Variants in MAP1A observed in about 807,000 individuals in gnomAD.
MAP1A encodes microtubule associated protein 1A.
Under a neutral mutation model 185.9 loss-of-function variants are expected in MAP1A, and 42 were observed. That is an observed-to-expected ratio of 0.23 (90% CI 0.18 to 0.29). The LOEUF is 0.29. MAP1A is among the 10% of genes least tolerant of loss of function. The pLI, the probability that MAP1A is intolerant of heterozygous loss-of-function variation, is 1.00. For missense variants in MAP1A, 2,995 were observed against 3,450.4 expected (o/e 0.87, Z 3.31); for synonymous variants, 1,229 against 1,335.9 (o/e 0.92, Z 1.74).
chr15:43,526,541 G>A lies in MAP1A; in HGVS notation c.5068G>A (p.Ala1690Thr), dbSNP rs1060946. The A allele has an allele frequency of 1.2e-6, 2 of 1,614,176 alleles. No individual in the cohort carries two copies. The highest frequency in any genetic ancestry group is 1.7e-6 in the Non-Finnish European group (2 of 1,180,026). ...NRYWRGREDV[A>T]LEQDTYWREL... ...GTATTGGAGGGGCAGAGAGGATGTG[G>A]CCTTGGAACAGGACACATACTGGAG... The change falls in exon 4 of 6, where the codon GCC becomes ACC. Residue 1690 changes from alanine to threonine, a missense_variant. Around this residue, in one of 3 missense-constraint regions of MAP1A, gnomAD observed 2,728 missense variants for 2,986.0 expected, o/e 0.91. Transcript: ENST00000300231. The surrounding 1 kb of genome is among the most constrained non-coding windows in gnomAD (Gnocchi z 4.7).
At position 43,529,036 on chromosome 15, in the gene MAP1A, G is replaced by C. The variant is rs767547021; in HGVS notation, c.7563G>C (p.Glu2521Asp). 6.2e-7 allele frequency: 1 copy of C among 1,613,884 alleles called. No homozygotes were observed. Among genetic ancestry groups the C allele is most frequent in the Non-Finnish European group, 8.5e-7 (1 of 1,180,026 alleles). ...SDSDVPPETE[E>D]CPSITAEAAL... ...CTGATGTCCCGCCAGAAACTGAGGAGTGTCCGTCCATCACAGCTGAGGCAG... is the reference window on the plus strand; with the variant it reads ...CTGATGTCCCGCCAGAAACTGAGGACTGTCCGTCCATCACAGCTGAGGCAG... Residue 2521 changes from glutamate to aspartate, a missense_variant, in exon 4 of 6, where the codon GAG becomes GAC. This residue lies in a region of MAP1A where 2,728 missense variants were observed against 2,986.0 expected (regional missense o/e 0.91). Transcript: ENST00000300231. The surrounding 1 kb of genome is among the most constrained non-coding windows in gnomAD (Gnocchi z 4.3).
chr15:43,527,263 C>G lies in MAP1A; in HGVS notation c.5790C>G (p.His1930Gln). The change falls in exon 4 of 6, where the codon CAC (histidine) becomes CAG (glutamine). Residue 1930 changes from histidine (H) to glutamine (Q), a missense_variant. His to Gln is a conservative substitution (Grantham distance 24). This residue lies in a region of MAP1A where 2,728 missense variants were observed against 2,986.0 expected (regional missense o/e 0.91). Coordinates refer to ENST00000300231, the MANE Select transcript of MAP1A (RefSeq NM_002373.6). Reference sequence around the variant, plus strand: ...CTGAGGCTCCTGACAAAAGCTCACACAGCTCAAAGGTACCAGAGGCCAGCA... The same window carrying G: ...CTGAGGCTCCTGACAAAAGCTCACAGAGCTCAAAGGTACCAGAGGCCAGCA... ...GRAEAPDKSSHSSKVPEASKS... is the reference protein window; with the variant it reads ...GRAEAPDKSSQSSKVPEASKS... 6.2e-7 allele frequency: 1 copy of G among 1,614,124 alleles called. No individual in the cohort carries two copies.
rs772895219 is a variant in MAP1A at position 43,521,343 on chromosome 15, A to G, written c.-131A>G. ...TTCTAGATTTCCCAATTGCTCAGCAATAGAGACCCTGGGATACAGGCCTTC... is the reference window on the plus strand; with the variant it reads ...TTCTAGATTTCCCAATTGCTCAGCAGTAGAGACCCTGGGATACAGGCCTTC... On this transcript the variant is annotated 5_prime_UTR_variant, in exon 4 of 6. Coordinates refer to ENST00000300231, the MANE Select transcript of MAP1A (RefSeq NM_002373.6). This position sits in a 1 kb window ranked among gnomAD's most constrained non-coding sequence, Gnocchi z 4.6. 1.4e-5 allele frequency: 23 copies of G among 1,612,044 alleles called. No individual in the cohort carries two copies. The highest frequency in any genetic ancestry group is 1.8e-5 in the Non-Finnish European group (21 of 1,179,454).
chr15:43,518,711 C>T (rs556824429), intron 1 of MAP1A, among the ~76,000 whole-genome samples: 3 of 130,392 alleles, frequency 2.3e-5, no homozygotes, highest in Admixed American at 7.2e-5. Flanking sequence ...GCAGCCCACC[C>T]CCCCCCGCAA....
In MAP1A at chr15:43,521,001, T is replaced by C. The variant is rs2079317051; in HGVS notation, c.-262T>C. On this transcript the variant is annotated 5_prime_UTR_variant, in exon 3 of 6. Coordinates refer to ENST00000300231, the MANE Select transcript of MAP1A (RefSeq NM_002373.6). The surrounding 1 kb of genome is among the most constrained non-coding windows in gnomAD (Gnocchi z 4.6). ...ATCATCTTCTTAGCAGCTCATCAGC[T>C]TATAAACTACTAATCTTGAGTGGGC... The C allele has an allele frequency of 3.2e-6, 5 of 1,550,270 alleles. No individual in the cohort carries two copies. The highest frequency in any genetic ancestry group is 4.4e-6 in the Non-Finnish European group (5 of 1,146,740).
Position 43,525,239 on chromosome 15 carries a change from C to T in MAP1A, c.3766C>T (p.Pro1256Ser), listed in dbSNP as rs1372901442. 2 of 1,614,010 alleles carry T rather than the reference C, an allele frequency of 1.2e-6. No individual in the cohort carries two copies. Among genetic ancestry groups the T allele is most frequent in the African/African-American group, 1.3e-5 (1 of 74,916 alleles). The change falls in exon 4 of 6, where the codon CCA becomes TCA. Residue 1256 changes from proline to serine, a missense_variant. Pro to Ser is a moderately conservative substitution (Grantham distance 74). This residue lies in a region of MAP1A where 2,728 missense variants were observed against 2,986.0 expected (regional missense o/e 0.91). Coordinates refer to ENST00000300231, the MANE Select transcript of MAP1A (RefSeq NM_002373.6). ...TCACCACACAGCTCCCATGTCTGTT[C>T]CAGAGCCCCATGCAGCCACAGCGTC... ...TSHHTAPMSV[P>S]EPHAATASPP...
chr15:43,520,614 A>G (rs1445012771), intron 1 of MAP1A, 27 bp from the exon 2 acceptor site: 6 of 1,390,512 alleles, frequency 4.3e-6, no homozygotes, highest in Admixed American at 3.9e-5. Context: ...CCTATTCTCA[A>G]TATAAATTCC....
chr15:43,520,989 CA>C lies in MAP1A; in HGVS notation c.-273del. 1 of 1,550,062 alleles carries C rather than the reference CA, an allele frequency of 6.5e-7. No homozygotes were observed. The highest frequency in any genetic ancestry group is 1.2e-5 in the South Asian group (1 of 84,044). On this transcript the variant is annotated 5_prime_UTR_variant, in exon 3 of 6. Coordinates refer to ENST00000300231, the MANE Select transcript of MAP1A (RefSeq NM_002373.6). The stretch of plus-strand genomic sequence containing the variant: ...CATTCCAGGTTCATCATCTTCTTAG[CA>C]GCTCATCAGCTTATAAACTACTAAT...
At position 43,523,884 on chromosome 15, in the gene MAP1A, C is replaced by G; in HGVS notation, c.2411C>G (p.Thr804Arg). Reference protein sequence around the residue: ...VPATSGKVYGTPETELTYPTN... With the variant: ...VPATSGKVYGRPETELTYPTN... Reference sequence around the variant, plus strand: ...GCTACCTCTGGCAAAGTCTATGGAACGCCAGAGACTGAACTCACCTACCCC... The same window carrying G: ...GCTACCTCTGGCAAAGTCTATGGAAGGCCAGAGACTGAACTCACCTACCCC... Residue 804 changes from threonine (T) to arginine (R), a missense_variant, in exon 4 of 6, where the codon ACG (threonine) becomes AGG (arginine). By Grantham distance (71) the Thr-to-Arg change is moderately conservative. Transcript: ENST00000300231. The G allele has an allele frequency of 6.2e-7, 1 of 1,614,174 alleles. No individual in the cohort carries two copies. The highest frequency in any genetic ancestry group is 1.1e-5 in the South Asian group (1 of 91,084).
Position 43,526,773 on chromosome 15 carries a change from T to C in MAP1A, c.5300T>C (p.Leu1767Pro). 1 of 1,614,124 alleles carries C rather than the reference T, an allele frequency of 6.2e-7. No individual in the cohort carries two copies. The highest frequency in any genetic ancestry group is 8.5e-7 in the Non-Finnish European group (1 of 1,180,014). ...CAGGAATCCTCACCACAGAAGGGGC[T>C]AGAGGTGGAGCGCTGGCTTGCTGAA... ...DFQESSPQKG[L>P]EVERWLAESP... The change falls in exon 4 of 6, where the codon CTA (leucine) becomes CCA (proline). Residue 1767 changes from leucine to proline, a missense_variant. By Grantham distance (98) the Leu-to-Pro change is moderately conservative (BLOSUM62 -3). Coordinates refer to ENST00000300231, the MANE Select transcript of MAP1A (RefSeq NM_002373.6). The surrounding 1 kb of genome is among the most constrained non-coding windows in gnomAD (Gnocchi z 4.7).
At position 43,526,421 on chromosome 15, in the gene MAP1A, T is replaced by C. The variant is rs1337220550; in HGVS notation, c.4948T>C (p.Trp1650Arg). The change falls in exon 4 of 6, where the codon TGG becomes CGG. Residue 1650 changes from tryptophan (W) to arginine (R), a missense_variant. Coordinates refer to ENST00000300231, the MANE Select transcript of MAP1A (RefSeq NM_002373.6). The surrounding 1 kb of genome is among the most constrained non-coding windows in gnomAD (Gnocchi z 4.7). ...YWRGQDVVQEWQETSPTREEP... is the reference protein window; with the variant it reads ...YWRGQDVVQERQETSPTREEP... ...GAGGGGGCAGGATGTGGTCCAGGAG[T>C]GGCAAGAAACATCTCCTACCAGAGA... 1 of 1,613,438 alleles carries C rather than the reference T, an allele frequency of 6.2e-7. No homozygotes were observed. Among genetic ancestry groups the C allele is most frequent in the Non-Finnish European group, 8.5e-7 (1 of 1,179,882 alleles).
rs1011949430 is a variant in MAP1A, at chr15:43,521,028, A to C, written c.-235A>C. 76 of 1,550,210 alleles carry C rather than the reference A, an allele frequency of 4.9e-5. No individual in the cohort carries two copies. The highest frequency in any genetic ancestry group is 6.1e-5 in the Non-Finnish European group (70 of 1,146,804). On this transcript the variant is annotated 5_prime_UTR_variant, in exon 3 of 6. Coordinates refer to ENST00000300231, the MANE Select transcript of MAP1A (RefSeq NM_002373.6). This position sits in a 1 kb window ranked among gnomAD's most constrained non-coding sequence, Gnocchi z 4.6. The stretch of plus-strand genomic sequence containing the variant: ...ATAAACTACTAATCTTGAGTGGGCA[A>C]AGTTTAGAGCCTGGGGGAGACCTCA...
intron 1 of MAP1A, among the ~76,000 whole-genome samples, chr15:43,518,917 G>A (rs918058622): frequency 1.3e-5 from 2 of 152,190 alleles, no homozygotes; most frequent in Non-Finnish European, 2.9e-5. Flanking sequence ...CAGGGATAGA[G>A]TGAGGAACAG....
At position 43,528,654 on chromosome 15, in the gene MAP1A, C is replaced by G; in HGVS notation, c.7181C>G (p.Pro2394Arg). ...ACPAWERGAW[P>R]EGAERSSRPD... The stretch of plus-strand genomic sequence containing the variant: ...CCTGCCTGGGAACGTGGGGCCTGGC[C>G]TGAAGGAGCTGAGAGGAGCTCCCGG... The change falls in exon 4 of 6, where the codon CCT becomes CGT. Residue 2394 changes from proline (P) to arginine (R), a missense_variant. By Grantham distance (103) the Pro-to-Arg change is moderately radical. Coordinates refer to ENST00000300231, the MANE Select transcript of MAP1A (RefSeq NM_002373.6). 6.2e-7 allele frequency: 1 copy of G among 1,613,396 alleles called. No individual in the cohort carries two copies. The highest frequency in any genetic ancestry group is 8.5e-7 in the Non-Finnish European group (1 of 1,179,866).
At position 43,512,326 on chromosome 15, in the gene MAP1A, A is replaced by G. The variant is rs1431960107; in HGVS notation, c.340+35A>G. On this transcript the variant is annotated intron_variant, in intron 2 of 6. Transcript: ENST00000382031. The stretch of plus-strand genomic sequence containing the variant: ...AATGTTTTATTTCAGTCCTTTGGGT[A>G]AGAGCTGGTCACAGAGGTCCAGTCT... The G allele has an allele frequency of 5.6e-6, 8 of 1,427,384 alleles. No homozygotes were observed. In the South Asian group the frequency reaches 9.8e-5, roughly 18 times the overall value. The allele number at this position is 1,427,384 out of a possible 1,614,324, so 88.4% of individuals were successfully genotyped here.
At position 43,523,279 on chromosome 15, in the gene MAP1A, A is replaced by T. The variant is rs761710806; in HGVS notation, c.1806A>T (p.Glu602Asp). 43 of 1,613,424 alleles carry T rather than the reference A, an allele frequency of 2.7e-5. No homozygotes were observed. Among genetic ancestry groups the T allele is most frequent in the Non-Finnish European group, 3.1e-5 (37 of 1,179,746 alleles). ...AGCTTGTCCCAGAGGTCCCTGAGGAACAAGGCAGCAAGGACAGAGGCCTAG... is the reference window on the plus strand; with the variant it reads ...AGCTTGTCCCAGAGGTCCCTGAGGATCAAGGCAGCAAGGACAGAGGCCTAG... ...EKELVPEVPE[E>D]QGSKDRGLDS... The change falls in exon 4 of 6, where the codon GAA becomes GAT. Residue 602 changes from glutamate to aspartate, a missense_variant. Around this residue, in one of 3 missense-constraint regions of MAP1A, gnomAD observed 2,728 missense variants for 2,986.0 expected, o/e 0.91. Coordinates refer to ENST00000300231, the MANE Select transcript of MAP1A (RefSeq NM_002373.6).
chr15:43,519,918 A>G (rs1286851196), intron 1 of MAP1A, among the ~76,000 whole-genome samples: 1 of 152,228 alleles, frequency 6.6e-6, no homozygotes, highest in African/African-American at 2.4e-5. Context: ...ACTTTGGGAC[A>G]TGAAGATCAG....
rs1305102124 is a variant in MAP1A at position 43,529,811 on chromosome 15, A to C, written c.8197A>C (p.Ser2733Arg). The change falls in exon 5 of 6, where the codon AGC (serine) becomes CGC (arginine). Residue 2733 changes from serine (S) to arginine (R), a missense_variant. Ser to Arg is a moderately radical substitution (Grantham distance 110, BLOSUM62 -1). Transcript: ENST00000300231. This position sits in a 1 kb window ranked among gnomAD's most constrained non-coding sequence, Gnocchi z 4.3. ...GAATGACCCTGCCAATGGCGAGCCA[A>C]GCCGGGCTGTGCTGGATGCCCTGCT... ...SGNDPANGEP[S>R]RAVLDALLEG... is the part of the protein sequence containing the mutation. 1 of 1,614,176 alleles carries C rather than the reference A, an allele frequency of 6.2e-7. No individual in the cohort carries two copies. The highest frequency in any genetic ancestry group is 8.5e-7 in the Non-Finnish European group (1 of 1,180,046).
Position 43,528,526 on chromosome 15 carries a change from G to C in MAP1A, c.7053G>C (p.Gln2351His). ...CCACGGAGAAGCCAAGCCCCTTCCAGGTTCCCTCTGAGGATTGTGCAGCCA... is the reference window on the plus strand; with the variant it reads ...CCACGGAGAAGCCAAGCCCCTTCCACGTTCCCTCTGAGGATTGTGCAGCCA... The part of the protein sequence containing the change: ...EAATEKPSPF[Q>H]VPSEDCAANG... The change falls in exon 4 of 6, where the codon CAG (glutamine) becomes CAC (histidine). Residue 2351 changes from glutamine (Q) to histidine (H), a missense_variant. This residue lies in a region of MAP1A where 2,728 missense variants were observed against 2,986.0 expected (regional missense o/e 0.91). Coordinates refer to ENST00000300231, the MANE Select transcript of MAP1A (RefSeq NM_002373.6). The C allele has an allele frequency of 1.2e-6, 2 of 1,613,604 alleles. No homozygotes were observed. Among genetic ancestry groups the C allele is most frequent in the Non-Finnish European group, 1.7e-6 (2 of 1,180,014 alleles).
Sources: gnomAD v4.1 joint callset for allele counts (sites outside exome capture counted in the v4.1 genomes callset) on GRCh38, gnomAD v4.1.1 for gene constraint, gnomAD v4.1.1 regional missense constraint, Gnocchi (gnomAD v3.1) non-coding constraint, MANE v1.5 for transcripts, NCBI Gene and HGNC (gene_info 2026-07-23, HGNC 2026-07-21) for gene names.